Variants in PALB2 observed in about 807,000 individuals in gnomAD.
The protein encoded by PALB2 is mutant partner and localizer of BRCA2.
A neutral mutation model predicts 107.4 loss-of-function variants in PALB2; 82 were observed. The ratio of observed to expected loss-of-function variants is 0.76; its 90% CI spans 0.64 to 0.92. The LOEUF (loss-of-function observed/expected upper bound fraction) is 0.92, where lower values mean the gene tolerates loss of function less well. Ranked by LOEUF, PALB2 falls within the 40% of genes least tolerant of loss-of-function variation. The pLI is 0.00. For synonymous variants in PALB2, 489 were observed against 496.8 expected (o/e 0.98, Z 0.21); for missense variants, 1,374 against 1,379.9 (o/e 1.00, Z 0.07).
rs778890869 is a variant in PALB2, at chr16:23,635,008, G to A, written c.1538C>T (p.Thr513Ile). The A allele has an allele frequency of 3.1e-6, 5 of 1,614,120 alleles. No individual in the cohort carries two copies. The East Asian group carries it at 8.9e-5, about 29-fold the overall frequency. Residue 513 changes from threonine to isoleucine, a missense_variant, in exon 4 of 13, where the codon ACA becomes ATA. Transcript: ENST00000261584. ...GGTGCAGGCTGATTTTCTTTTTCCT[G>A]TGTATCTTCTACCAGGTGCTTGGGC... The part of the protein sequence containing the change: ...AVAQAPGRRY[T>I]GKRKSACTPA...
In PALB2 at chr16:23,635,628, A is replaced by G. The variant is rs114428350; in HGVS notation, c.918T>C (p.Asn306=). Residue 306 remains asparagine (N), a synonymous_variant, in exon 4 of 13, where the codon AAT becomes AAC. Coordinates refer to ENST00000261584, the MANE Select transcript of PALB2 (RefSeq NM_024675.4). ...GTTGGCCACTTTTACTTATAGCTTT[A>G]TTTACAAGGAGGTTATCTGTAGAGA... ...MTVSTDNLLV[N]KAISKSGQLP... 1 of 1,614,094 alleles carries G rather than the reference A, an allele frequency of 6.2e-7. No homozygotes were observed. Among genetic ancestry groups the G allele is most frequent in the African/African-American group, 1.3e-5 (1 of 75,034 alleles).
rs515726062 is a variant in PALB2 at position 23,635,451 on chromosome 16, C to T, written c.1095G>A (p.Arg365=). The T allele has an allele frequency of 2.2e-5, 35 of 1,614,096 alleles. No homozygotes were observed. The highest frequency in any genetic ancestry group is 2.9e-5 in the Non-Finnish European group (34 of 1,179,990). Residue 365 remains arginine, a synonymous_variant, in exon 4 of 13, where the codon AGG becomes AGA. Coordinates refer to ENST00000261584, the MANE Select transcript of PALB2 (RefSeq NM_024675.4). ...LKSPSDTLDG[R]NENLQESEIL... ...TCTCACTTTCCTGAAGATTTTCATT[C>T]CTGCCATCAAGAGTGTCACTGGGAG...
Position 23,641,197 on chromosome 16 carries a change from C to T in PALB2, c.-40G>A, listed in dbSNP as rs1359903430. The T allele has an allele frequency of 6.2e-7, 1 of 1,603,182 alleles. No individual in the cohort carries two copies. ...AACGAAAAGAGCAGCCGTCGCCGAC[C>T]CCAGGCCTGCCGACACCGGGACCCA... On this transcript the variant is annotated 5_prime_UTR_variant, in exon 1 of 13. Transcript: ENST00000261584.
intron 11 of PALB2, among the ~76,000 whole-genome samples, chr16:23,609,111 C>A (rs1227637844): frequency 6.6e-6 from 1 of 152,144 alleles, no homozygotes; most frequent in Non-Finnish European, 1.5e-5. Context: ...TAGGCGTGAG[C>A]CACGGCGTCA....
intron 6 of PALB2, among the ~76,000 whole-genome samples, chr16:23,627,834 T>G (rs1412813181): frequency 6.6e-6 from 1 of 152,188 alleles, no homozygotes; most frequent in Non-Finnish European, 1.5e-5. Context: ...AAGAGAGGCT[T>G]AATTACATAT....
chr16:23,635,472 G>A lies in PALB2; in HGVS notation c.1074C>T (p.Pro358=), dbSNP rs1966995930. Residue 358 remains proline (P), a synonymous_variant, in exon 4 of 13, where the codon CCC becomes CCT. Transcript: ENST00000261584. ...CATTCCTGCCATCAAGAGTGTCACT[G>A]GGAGATTTTAAAGATTTCTCTGTTT... ...QNQTEKSLKS[P]SDTLDGRNEN... 2 of 1,614,074 alleles carry A rather than the reference G, an allele frequency of 1.2e-6. No individual in the cohort carries two copies. Among genetic ancestry groups the A allele is most frequent in the Non-Finnish European group, 8.5e-7 (1 of 1,179,980 alleles).
intron 3 of PALB2, among the ~76,000 whole-genome samples, 169 bp downstream of exon 3, chr16:23,637,681 G>T (rs1004783588): frequency 2.6e-5 from 4 of 151,644 alleles, no homozygotes; most frequent in African/African-American, 9.7e-5. Context: ...CTCCAGCCTG[G>T]GTAACAAAGA....
chr16:23,603,754 A>C (rs1022842114), intron 12 of PALB2, 85 bp from the exon 13 acceptor site: 2 of 1,273,850 alleles, frequency 1.6e-6, no homozygotes, highest in Non-Finnish European at 2.2e-6. Flanking sequence ...CCATGTTCCC[A>C]AAACCAGCAA....
intron 12 of PALB2, among the ~76,000 whole-genome samples, chr16:23,606,617 C>G (rs1966480087): frequency 6.6e-6 from 1 of 152,064 alleles, no homozygotes; most frequent in Non-Finnish European, 1.5e-5. Flanking sequence ...CCTCTCCCTC[C>G]CGGGTTCAAG....
chr16:23,638,346 T>G (rs936258517), intron 1 of PALB2: 15 of 604,590 alleles, frequency 2.5e-5, no homozygotes, highest in African/African-American at 2.0e-4. Flanking sequence ...CCTTTGCCAA[T>G]TCCTACTGAT....
intron 11 of PALB2, among the ~76,000 whole-genome samples, chr16:23,609,911 C>CA (rs1441349996): frequency 6.6e-6 from 1 of 152,028 alleles, no homozygotes; most frequent in African/African-American, 2.4e-5. Flanking sequence ...TTCCTGGCCT[C>CA]AAGCAATCCT....
At chr16:23,609,335 G>A (rs1289412052) in intron 11 of PALB2, among the ~76,000 whole-genome samples, 2 of 152,108 alleles carry the variant, frequency 1.3e-5, no homozygotes, top group Admixed American at 1.3e-4. Flanking sequence ...TGAGTGGGGA[G>A]GATCGCTTGA....
At position 23,634,929 on chromosome 16, in the gene PALB2, A is replaced by G. The variant is rs776807758; in HGVS notation, c.1617T>C (p.Val539=). 3 of 1,614,180 alleles carry G rather than the reference A, an allele frequency of 1.9e-6. No homozygotes were observed. Among genetic ancestry groups the G allele is most frequent in the Non-Finnish European group, 2.5e-6 (3 of 1,180,040 alleles). ...PLLPTSSLSI[V]NRSKEEVTSH... is the part of the protein sequence containing the mutation. ...AGGTGACTTCTTCCTTGGACCTGTT[A>G]ACAATCGACAGGCTAGAAGTTGGCA... The change falls in exon 4 of 13, where the codon GTT becomes GTC. Residue 539 remains valine, a synonymous_variant. Coordinates refer to ENST00000261584, the MANE Select transcript of PALB2 (RefSeq NM_024675.4).
At chr16:23,625,569 C>T (rs1183327528) in intron 7 of PALB2, among the ~76,000 whole-genome samples, 6 of 151,864 alleles carry the variant, frequency 4.0e-5, no homozygotes, top group African/African-American at 9.7e-5. Context: ...CTGAGGCAGG[C>T]GGATTGCCTG....
rs1567218311 is a variant in PALB2 at position 23,630,157 on chromosome 16, G to A, written c.1997C>T (p.Thr666Ile). ...PEELSPKRMDTEMEDLEEDLI... is the reference protein window; with the variant it reads ...PEELSPKRMDIEMEDLEEDLI... The stretch of plus-strand genomic sequence containing the variant: ...GTCCTCTTCTAAGTCCTCCATTTCT[G>A]TATCCATGCGTTTAGGACTCAGTTC... Residue 666 changes from threonine to isoleucine, a missense_variant, in exon 5 of 13, where the codon ACA (threonine) becomes ATA (isoleucine). Thr to Ile is a moderately conservative substitution (Grantham distance 89, BLOSUM62 -1). Transcript: ENST00000261584. 6.2e-7 allele frequency: 1 copy of A among 1,614,128 alleles called. No individual in the cohort carries two copies. Among genetic ancestry groups the A allele is most frequent in the Non-Finnish European group, 8.5e-7 (1 of 1,180,032 alleles).
Position 23,603,303 on chromosome 16 carries a change from GGTGCTACC to G in PALB2, c.*148_*155del. 1 of 644,618 alleles carries G rather than the reference GGTGCTACC, an allele frequency of 1.6e-6. No individual in the cohort carries two copies. The highest frequency in any genetic ancestry group is 2.7e-6 in the Non-Finnish European group (1 of 369,496). The allele number at this position is 644,618 out of a possible 1,614,324, so 39.9% of individuals were successfully genotyped here. The stretch of plus-strand genomic sequence containing the variant: ...ACATAAATGTACATCCAAGATCAGT[GGTGCTACC>G]ATCATTAGAATAAAAAATAAGTCTG... On this transcript the variant is annotated 3_prime_UTR_variant, in exon 13 of 13. Transcript: ENST00000261584.
intron 12 of PALB2, among the ~76,000 whole-genome samples, chr16:23,604,811 C>T (rs565082882): frequency 4.6e-5 from 7 of 151,618 alleles, no homozygotes; most frequent in African/African-American, 1.2e-4. Context: ...TGGTGGCTCA[C>T]GCCGGTAATC....
At chr16:23,623,197 TCA>T (rs1966807301) in intron 8 of PALB2, 67 bp from the exon 9 acceptor site, 1 of 1,203,590 alleles carries the variant, frequency 8.3e-7, no homozygotes, top group Non-Finnish European at 1.2e-6. Context: ...AGGACTAGGT[TCA>T]CTTTTTTTTT....
intron 9 of PALB2, among the ~76,000 whole-genome samples, chr16:23,622,290 A>G (rs548354020): frequency 1.3e-5 from 2 of 152,354 alleles, no homozygotes; most frequent in East Asian, 3.9e-4. Flanking sequence ...GTTTGCAAGT[A>G]GTCAGCACCA....
Sources: gnomAD v4.1 joint callset for allele counts (sites outside exome capture counted in the v4.1 genomes callset) on GRCh38, gnomAD v4.1.1 for gene constraint, MANE v1.5 for transcripts, NCBI Gene and HGNC (gene_info 2026-07-23, HGNC 2026-07-21) for gene names.